DNAH10: variants seen among roughly 807,000 people sequenced by gnomAD.
DNAH10 encodes the protein dynein axonemal heavy chain 10, also known as axonemal beta dynein heavy chain 10.
Under a neutral mutation model 506.6 loss-of-function variants are expected in DNAH10, and 348 were observed. That is an observed-to-expected ratio of 0.69 (90% CI 0.63 to 0.75). The LOEUF (loss-of-function observed/expected upper bound fraction) is 0.75. DNAH10 is among the 30% of genes least tolerant of loss of function. The pLI is 0.00. For missense variants in DNAH10, 5,179 were observed against 5,787.1 expected, an observed-to-expected ratio of 0.89 and a Z score of 3.41; for synonymous variants, 2,059 against 2,198.6, an observed-to-expected ratio of 0.94 and a Z score of 1.78.
intron 58 of DNAH10, 89 bp from the exon 59 acceptor site, chr12:123,910,447 A>G (rs1259576480): frequency 2.6e-6 from 4 of 1,514,304 alleles, no homozygotes; most frequent in African/African-American, 1.4e-5. Flanking sequence ...CCACTGAAGA[A>G]TAAGAAACTA....
chr12:123,795,956 T>A (rs1459818104), intron 12 of DNAH10, among the ~76,000 whole-genome samples: 1 of 152,230 alleles, frequency 6.6e-6, no homozygotes, highest in Non-Finnish European at 1.5e-5. Context: ...ATAGCATGTT[T>A]ATATCAAAAC....
In DNAH10 at chr12:123,783,173, C is replaced by T. The variant is rs376008525; in HGVS notation, c.908C>T (p.Pro303Leu). 8.7e-6 allele frequency: 14 copies of T among 1,613,998 alleles called. No individual in the cohort carries two copies. The highest frequency in any genetic ancestry group is 1.7e-5 in the Admixed American group (1 of 59,988). ...EGEVSDLAAD[P>L]ETVDILEQCV... ...GAGGTGTCTGACCTGGCAGCTGACC[C>T]GGAAACCGTTGACATCTTGGAGCAG... The change falls in exon 7 of 79, where the codon CCG becomes CTG. Residue 303 changes from proline to leucine, a missense_variant. This residue lies in a region of DNAH10 where 4,844 missense variants were observed against 5,430.5 expected (regional missense o/e 0.89). Coordinates refer to ENST00000673944, the MANE Select transcript of DNAH10 (RefSeq NM_001372106.1).
chr12:123,799,586 T>C (rs1958409449), intron 14 of DNAH10, among the ~76,000 whole-genome samples: 1 of 152,168 alleles, frequency 6.6e-6, no homozygotes, highest in Non-Finnish European at 1.5e-5. Context: ...TACTGACTTC[T>C]TGGGCAAGTG....
intron 50 of DNAH10, among the ~76,000 whole-genome samples, chr12:123,880,308 C>G (rs1184902093): frequency 6.6e-6 from 1 of 152,096 alleles, no homozygotes; most frequent in Non-Finnish European, 1.5e-5. Context: ...GAGTCTGTCT[C>G]TTAAAATCCA....
intron 65 of DNAH10, among the ~76,000 whole-genome samples, chr12:123,922,600 G>T (rs747694761): frequency 1.3e-5 from 2 of 152,174 alleles, no homozygotes; most frequent in Non-Finnish European, 2.9e-5. Flanking sequence ...CGACTGGGTG[G>T]CTTAAGCAAC....
chr12:123,849,061 A>T (rs1158802515), intron 34 of DNAH10, among the ~76,000 whole-genome samples, 179 bp downstream of exon 34: 1 of 152,160 alleles, frequency 6.6e-6, no homozygotes, highest in Non-Finnish European at 1.5e-5. Context: ...ATCATTGATG[A>T]TAAGGTTTGT....
At chr12:123,792,104 A>T (rs1324505115) in intron 11 of DNAH10, among the ~76,000 whole-genome samples, 2 of 152,182 alleles carry the variant, frequency 1.3e-5, no homozygotes, top group Non-Finnish European at 2.9e-5. Context: ...CTGTCATCTA[A>T]CACAGTTTCT....
Position 123,879,373 on chromosome 12 carries a change from GCTT to G in DNAH10, c.8466+22_8466+24del, listed in dbSNP as rs748228148. ...CAAGCAGCTGGTCAGTACATCCAAT[GCTT>G]CTTCTCAGGAAATTCTTCTCAGGAA... On this transcript the variant is annotated intron_variant, in intron 49 of 78. Coordinates refer to ENST00000673944, the MANE Select transcript of DNAH10 (RefSeq NM_001372106.1). 2 of 1,553,582 alleles carry G rather than the reference GCTT, an allele frequency of 1.3e-6. No individual in the cohort carries two copies. Among genetic ancestry groups the G allele is most frequent in the Non-Finnish European group, 8.7e-7 (1 of 1,149,004 alleles).
rs1228561021 is a variant in DNAH10 at position 123,931,320 on chromosome 12, CGTT to C, written c.12785-17_12785-15del. 1.2e-6 allele frequency: 2 copies of C among 1,612,466 alleles called. No individual in the cohort carries two copies. Among genetic ancestry groups the C allele is most frequent in the Non-Finnish European group, 1.7e-6 (2 of 1,179,660 alleles). Reference sequence around the variant, plus strand: ...ACAGGTGGCTGGACAGTGCCACCTCCGTTGTTCTCTGTGATTGCAGAAGCCATC... The same window carrying C: ...ACAGGTGGCTGGACAGTGCCACCTCCGTTCTCTGTGATTGCAGAAGCCATC... On this transcript the variant is annotated intron_variant, in intron 73 of 78. Coordinates refer to ENST00000673944, the MANE Select transcript of DNAH10 (RefSeq NM_001372106.1).
chr12:123,874,692 A>G (rs568891571), intron 46 of DNAH10, among the ~76,000 whole-genome samples: 31 of 151,966 alleles, frequency 2.0e-4, no homozygotes, highest in Admixed American at 5.9e-4. Context: ...TAATTACCCA[A>G]TGTCTTTGCT....
chr12:123,861,225 A>G (rs763476287), intron 39 of DNAH10, 55 bp downstream of exon 39: 15 of 1,581,378 alleles, frequency 9.5e-6, no homozygotes, highest in Admixed American at 5.5e-5. Flanking sequence ...TAATTAGCTC[A>G]ACATTAAAAA....
In DNAH10 at chr12:123,853,470, C is replaced by T; in HGVS notation, c.6438+118C>T. 7.7e-7 allele frequency: 1 copy of T among 1,300,388 alleles called. No individual in the cohort carries two copies. The highest frequency in any genetic ancestry group is 1.0e-6 in the Non-Finnish European group (1 of 984,276). The allele number at this position is 1,300,388 out of a possible 1,614,324, so 80.6% of individuals were successfully genotyped here. On this transcript the variant is annotated intron_variant, in intron 36 of 78. Coordinates refer to ENST00000673944, the MANE Select transcript of DNAH10 (RefSeq NM_001372106.1). The surrounding 1 kb of genome is among the most constrained non-coding windows in gnomAD (Gnocchi z 4.7). ...ACCTGAAAGGTTTAAGTCTTAGCTG[C>T]CTCTTCACCCCGCGGTCTGGCCTTA...
At position 123,929,519 on chromosome 12, in the gene DNAH10, C is replaced by T. The variant is rs375467108; in HGVS notation, c.12516+35C>T. 82 of 1,600,162 alleles carry T rather than the reference C, an allele frequency of 5.1e-5. No individual in the cohort carries two copies. In the Middle Eastern group the frequency reaches 1.0e-3, roughly 20 times the overall value. Reference sequence around the variant, plus strand: ...GCTGCTTCTCCTTGGAAATGGCTTCCTTAGGCGGCCCACTTCCTCCCGACT... The same window carrying T: ...GCTGCTTCTCCTTGGAAATGGCTTCTTTAGGCGGCCCACTTCCTCCCGACT... On this transcript the variant is annotated intron_variant, in intron 71 of 78. Coordinates refer to ENST00000673944, the MANE Select transcript of DNAH10 (RefSeq NM_001372106.1).
intron 43 of DNAH10, among the ~76,000 whole-genome samples, chr12:123,869,570 T>A (rs1951944077): frequency 6.6e-6 from 1 of 152,322 alleles, no homozygotes; most frequent in Non-Finnish European, 1.5e-5. Context: ...TCTCCCTGCT[T>A]CAACAGGAAC....
chr12:123,792,030 C>T (rs577323692), intron 11 of DNAH10, among the ~76,000 whole-genome samples: 16 of 152,274 alleles, frequency 1.1e-4, no homozygotes, highest in African/African-American at 3.9e-4. Flanking sequence ...TTAATTTAGA[C>T]TTCTGTTAAC....
In DNAH10 at chr12:123,924,399, T is replaced by C; in HGVS notation, c.11733T>C (p.Asp3911=). 1.9e-6 allele frequency: 3 copies of C among 1,613,806 alleles called. No individual in the cohort carries two copies. The highest frequency in any genetic ancestry group is 2.5e-6 in the Non-Finnish European group (3 of 1,179,792). The change falls in exon 67 of 79, where the codon GAT becomes GAC. Residue 3911 remains aspartate, a synonymous_variant. Coordinates refer to ENST00000673944, the MANE Select transcript of DNAH10 (RefSeq NM_001372106.1). ...CAGACAACTTTGGGCAACTTCCTGA[T>C]GATGTTGAGAATAATCAGACTGTCT... ...MFSDNFGQLP[D]DVENNQTVWQ...
At position 123,801,346 on chromosome 12, in the gene DNAH10, C is replaced by A; in HGVS notation, c.2528C>A (p.Ala843Glu). ...YHMLIGTLND[A>E]ESVLLKDHSQ... ...ATGCTCATAGGAACGTTAAACGATG[C>A]GGAGTCTGTGCTTCTCAAAGATCAT... is the stretch of plus-strand genomic sequence containing the variant. The change falls in exon 16 of 79, where the codon GCG becomes GAG. Residue 843 changes from alanine to glutamate, a missense_variant. This residue lies in a region of DNAH10 where 4,844 missense variants were observed against 5,430.5 expected (regional missense o/e 0.89). Transcript: ENST00000673944. 6.2e-7 allele frequency: 1 copy of A among 1,614,096 alleles called. No individual in the cohort carries two copies. Among genetic ancestry groups the A allele is most frequent in the Non-Finnish European group, 8.5e-7 (1 of 1,180,014 alleles).
rs200453123 is a variant in DNAH10, at chr12:123,787,395, CTCTCTCTA to C, written c.1422-405_1422-398del. 0.015 allele frequency among the ~76,000 whole-genome samples: 2,293 copies of C among 152,300 alleles called. 50 individuals carry two copies. Among genetic ancestry groups the C allele is most frequent in the African/African-American group, 0.045 (1,879 of 41,540 alleles). ...TATCTATTTATATACATCTCTCTCT[CTCTCTCTA>C]TCTACCTGCATAGCTAGATCTCCAT... On this transcript the variant is annotated intron_variant, in intron 9 of 78. Coordinates refer to ENST00000673944, the MANE Select transcript of DNAH10 (RefSeq NM_001372106.1). The surrounding 1 kb of genome is among the most constrained non-coding windows in gnomAD (Gnocchi z 4.6).
At chr12:123,812,248 G>A (rs964666818) in intron 19 of DNAH10, among the ~76,000 whole-genome samples, 3 of 151,994 alleles carry the variant, frequency 2.0e-5, no homozygotes, top group Admixed American at 6.6e-5. Context: ...TCAGGAGATC[G>A]AGGCCATCCT....
Sources: gnomAD v4.1 joint callset for allele counts (sites outside exome capture counted in the v4.1 genomes callset) on GRCh38, gnomAD v4.1.1 for gene constraint, gnomAD v4.1.1 regional missense constraint, Gnocchi (gnomAD v3.1) non-coding constraint, MANE v1.5 for transcripts, NCBI Gene and HGNC (gene_info 2026-07-23, HGNC 2026-07-21) for gene names.